The following CUL2 variants were observed in gnomAD, a reference collection of about 807,000 sequenced individuals.
CUL2 encodes the protein cullin 2, also known as cullin-2.
CUL2 carries 22 observed loss-of-function variants against 110.2 expected under a neutral mutation model. The ratio of observed to expected loss-of-function variants is 0.20; its 90% CI spans 0.14 to 0.28. The LOEUF (loss-of-function observed/expected upper bound fraction) is 0.28. Ranked by LOEUF, CUL2 falls within the 10% of genes least tolerant of loss-of-function variation. The probability of loss-of-function intolerance (pLI) is 1.00; values close to 1 mark genes in which losing one functional copy is unlikely to be tolerated. For missense variants in CUL2, 631 were observed against 905.5 expected (o/e 0.70, Z 3.89); for synonymous variants, 279 against 293.2 (o/e 0.95, Z 0.49).
At chr10:35,070,628 C>T (rs1453153616) in intron 2 of CUL2, among the ~76,000 whole-genome samples, 1 of 152,118 alleles carries the variant, frequency 6.6e-6, no homozygotes, top group Non-Finnish European at 1.5e-5. Context: ...CACATGTAGG[C>T]AATCTAATGA....
intron 1 of CUL2, among the ~76,000 whole-genome samples, chr10:35,082,888 T>A (rs1041752173): frequency 6.6e-6 from 1 of 152,170 alleles, no homozygotes. Flanking sequence ...CTGAGCATGG[T>A]GGCTCATGCT....
chr10:35,089,238 A>G (rs756566341), intron 1 of CUL2, among the ~76,000 whole-genome samples: 17 of 152,236 alleles, frequency 1.1e-4, no homozygotes, highest in Non-Finnish European at 2.2e-4. Flanking sequence ...TCTTCCAGAT[A>G]CTGTATAAGG....
intron 8 of CUL2, among the ~76,000 whole-genome samples, chr10:35,042,193 A>T (rs1341932547): frequency 6.6e-6 from 1 of 151,436 alleles, no homozygotes; most frequent in Non-Finnish European, 1.5e-5. Flanking sequence ...GATAACCTCT[A>T]ATCTATCTTC....
At chr10:35,035,108 A>C in intron 10 of CUL2, 64 bp downstream of exon 10, 1 of 1,579,118 alleles carries the variant, frequency 6.3e-7, no homozygotes, top group Non-Finnish European at 8.7e-7. Flanking sequence ...CAATAAAGTC[A>C]AAGGAAAGGC....
intron 1 of CUL2, among the ~76,000 whole-genome samples, chr10:35,086,234 C>T (rs1266371975): frequency 1.3e-5 from 2 of 151,786 alleles, no homozygotes; most frequent in South Asian, 2.1e-4. Context: ...CAGTGGATCA[C>T]GCCTGTAATC....
intron 5 of CUL2, among the ~76,000 whole-genome samples, chr10:35,051,309 C>G (rs1381063124): frequency 7.8e-6 from 1 of 128,932 alleles, no homozygotes. Context: ...AGCGAGACTC[C>G]GTCTCAAAAA....
intron 3 of CUL2, among the ~76,000 whole-genome samples, chr10:35,062,089 G>A (rs76800194): frequency 0.15 from 23,001 of 152,056 alleles, 1,966 homozygotes; most frequent in East Asian, 0.24. Flanking sequence ...AGATTCTTAC[G>A]CAGGCACTAA....
chr10:35,108,810 G>C (rs1036371614), intron 1 of CUL2, among the ~76,000 whole-genome samples: 2 of 152,218 alleles, frequency 1.3e-5, no homozygotes, highest in African/African-American at 4.8e-5. Context: ...GGAGACCTCA[G>C]TTCCATGCAG....
Position 35,046,361 on chromosome 10 carries a change from T to C in CUL2, c.507-1493A>G, listed in dbSNP as rs369521955. ...AGAACAGATACTGTGGAGGACATACTGGCAAAACTCTAAGTATACACACCC... is the reference window on the plus strand; with the variant it reads ...AGAACAGATACTGTGGAGGACATACCGGCAAAACTCTAAGTATACACACCC... On this transcript the variant is annotated intron_variant, in intron 6 of 20. Coordinates refer to ENST00000374749, the MANE Select transcript of CUL2 (RefSeq NM_003591.4). 3.9e-5 allele frequency among the ~76,000 whole-genome samples: 6 copies of C among 152,226 alleles called. No homozygotes were observed. The East Asian group carries it at 9.6e-4, about 24-fold the overall frequency.
chr10:35,079,808 T>C (rs1407175438), intron 1 of CUL2: 1 of 154,714 alleles, frequency 6.5e-6, no homozygotes, highest in Admixed American at 6.5e-5. Context: ...CTAGGATCAC[T>C]ACTCCTGTAC....
chr10:35,112,238 C>A (rs1369452133), intron 1 of CUL2, among the ~76,000 whole-genome samples: 1 of 152,148 alleles, frequency 6.6e-6, no homozygotes, highest in African/African-American at 2.4e-5. Context: ...CTGCTTTCAG[C>A]GAAGATGGAA....
intron 17 of CUL2, among the ~76,000 whole-genome samples, chr10:35,024,483 CT>C (rs1303132274): frequency 6.6e-5 from 10 of 152,092 alleles, no homozygotes; most frequent in African/African-American, 9.7e-5. Flanking sequence ...ATTCAATGAA[CT>C]TGTCAAAGCA....
At chr10:35,052,894 C>CAAAAA (rs1017728475) in intron 5 of CUL2, among the ~76,000 whole-genome samples, 1 of 68,824 alleles carries the variant, frequency 1.5e-5, no homozygotes, top group African/African-American at 5.5e-5. Flanking sequence ...GACTCCGTCT[C>CAAAAA]AAAAAAAAAA....
intron 18 of CUL2, among the ~76,000 whole-genome samples, chr10:35,015,779 A>T (rs1251977187): frequency 6.6e-6 from 1 of 152,216 alleles, no homozygotes; most frequent in Non-Finnish European, 1.5e-5. Context: ...GAATGGAGTT[A>T]CACATATTAA....
chr10:35,036,002 G>A (rs1288178411), intron 9 of CUL2, among the ~76,000 whole-genome samples: 1 of 152,134 alleles, frequency 6.6e-6, no homozygotes, highest in Non-Finnish European at 1.5e-5. Flanking sequence ...AACCATAAGT[G>A]TATATCTTAC....
intron 1 of CUL2, among the ~76,000 whole-genome samples, chr10:35,083,348 T>A (rs1010644497): frequency 6.6e-6 from 1 of 152,134 alleles, no homozygotes; most frequent in Non-Finnish European, 1.5e-5. Flanking sequence ...TAAAAAGATA[T>A]AAACATAGAT....
At chr10:35,070,806 C>T (rs1227489856) in intron 2 of CUL2, among the ~76,000 whole-genome samples, 2 of 152,288 alleles carry the variant, frequency 1.3e-5, no homozygotes, top group Admixed American at 6.5e-5. Context: ...AGAGCAGCAC[C>T]CACACAGGTG....
intron 1 of CUL2, among the ~76,000 whole-genome samples, chr10:35,075,635 AACACACACACACACACAC>A (rs34714483): frequency 4.1e-4 from 58 of 140,990 alleles, no homozygotes; most frequent in Non-Finnish European, 4.6e-4. Flanking sequence ...TGGGCCCTAA[AACACACACACACACACAC>A]ACACACACAC....
At chr10:35,016,452 T>C in intron 17 of CUL2, 58 bp from the exon 18 acceptor site, 1 of 1,327,684 alleles carries the variant, frequency 7.5e-7, no homozygotes, top group Non-Finnish European at 1.0e-6. Flanking sequence ...ATTTCAAATT[T>C]ACTTTATTTC....
Sources: gnomAD v4.1 joint callset for allele counts (sites outside exome capture counted in the v4.1 genomes callset) on GRCh38, gnomAD v4.1.1 for gene constraint, MANE v1.5 for transcripts, NCBI Gene and HGNC (gene_info 2026-07-23, HGNC 2026-07-21) for gene names.